The following UGT1A6 variants were observed in gnomAD, a reference collection of about 807,000 sequenced individuals.
The protein encoded by UGT1A6 is UDP glucuronosyltransferase family 1 member A6.
In UGT1A6, 32 loss-of-function variants were observed where a neutral mutation model predicts 44.4. The observed-to-expected ratio is 0.72, with a 90% CI of 0.54 to 0.97. The LOEUF (loss-of-function observed/expected upper bound fraction) is 0.97, where lower values mean the gene tolerates loss of function less well. Among genes scored for constraint, UGT1A6 ranks in the 50% least tolerant of loss-of-function variants. The pLI is 0.00. For missense variants in UGT1A6, 685 were observed against 661.9 expected, an observed-to-expected ratio of 1.03 and a Z score of -0.38; for synonymous variants, 238 against 248.5, an observed-to-expected ratio of 0.96 and a Z score of 0.40.
chr2:233,719,869 A>G (rs1253818666), intron 1 of UGT1A6, among the ~76,000 whole-genome samples: 1 of 152,178 alleles, frequency 6.6e-6, no homozygotes, highest in Non-Finnish European at 1.5e-5. Flanking sequence ...ACTGAGAGGA[A>G]GAAGAGGCAC....
intron 1 of UGT1A6, chr2:233,760,742 C>T: frequency 3.1e-6 from 5 of 1,614,166 alleles, no homozygotes; most frequent in Non-Finnish European, 4.2e-6. Context: ...CTGACGGACC[C>T]TTTCCTTCCT....
intron 1 of UGT1A6, chr2:233,755,045 G>C (rs745537470): frequency 7.5e-7 from 1 of 1,325,478 alleles, no homozygotes; most frequent in Non-Finnish European, 1.0e-6. Context: ...CTGCGCAGCC[G>C]CCCTCCGCCC....
intron 1 of UGT1A6, chr2:233,718,944 C>T (rs553189135): frequency 6.2e-7 from 1 of 1,614,060 alleles, no homozygotes; most frequent in African/African-American, 1.3e-5. Flanking sequence ...CAGCCCCTGG[C>T]TCAGCATGCG....
At chr2:233,716,874 C>T (rs146573773) in intron 1 of UGT1A6, among the ~76,000 whole-genome samples, 54 of 152,252 alleles carry the variant, frequency 3.5e-4, no homozygotes, top group Admixed American at 8.5e-4. Context: ...CCAAGTCTAT[C>T]TGTGCAGCCC....
At chr2:233,713,549 GT>G (rs1302335966) in intron 1 of UGT1A6, 3 of 1,613,868 alleles carry the variant, frequency 1.9e-6, no homozygotes, top group Non-Finnish European at 2.5e-6. Context: ...AGGGCACACA[GT>G]GTCCAAACCC....
At chr2:233,695,403 C>T (rs567357181) in intron 1 of UGT1A6, among the ~76,000 whole-genome samples, 6 of 150,700 alleles carry the variant, frequency 4.0e-5, no homozygotes, top group Admixed American at 6.6e-5. Flanking sequence ...GGATTACAGG[C>T]GTGAGCTACC....
intron 1 of UGT1A6, chr2:233,741,975 C>T (rs1043950383): frequency 3.3e-5 from 5 of 151,844 alleles, no homozygotes; most frequent in African/African-American, 4.9e-5. Flanking sequence ...TTTATGGTGC[C>T]TCACCCAAAA....
At chr2:233,713,270 G>T (rs199541495) in intron 1 of UGT1A6, 1 of 1,614,244 alleles carries the variant, frequency 6.2e-7, no homozygotes, top group East Asian at 2.2e-5. Context: ...ATCGCCTTTT[G>T]CTGGGTCACA....
At chr2:233,768,085 C>T (rs1699559246) in intron 3 of UGT1A6, 135 bp from the exon 4 acceptor site, 1 of 1,591,380 alleles carries the variant, frequency 6.3e-7, no homozygotes, top group East Asian at 2.2e-5. Context: ...TATCTCAACC[C>T]ACATTTTCTT....
chr2:233,756,339 T>G (rs1013422836), intron 1 of UGT1A6: 3 of 152,244 alleles, frequency 2.0e-5, no homozygotes, highest in Non-Finnish European at 4.4e-5. Context: ...TAGTCATCTC[T>G]TGATTACTTT....
intron 2 of UGT1A6, 120 bp from the exon 3 acceptor site, chr2:233,767,729 C>T: frequency 1.3e-6 from 2 of 1,560,058 alleles, no homozygotes; most frequent in Middle Eastern, 1.7e-4. Flanking sequence ...GTTACTGATC[C>T]TCCCACTCTG....
chr2:233,727,325 G>A (rs180717488), intron 1 of UGT1A6, among the ~76,000 whole-genome samples: 2 of 152,224 alleles, frequency 1.3e-5, no homozygotes, highest in Non-Finnish European at 1.5e-5. Flanking sequence ...CAGGCACCAG[G>A]AGCTCCTCCC....
intron 1 of UGT1A6, among the ~76,000 whole-genome samples, chr2:233,763,987 G>C (rs144684818): frequency 6.6e-6 from 1 of 152,188 alleles, no homozygotes; most frequent in Non-Finnish European, 1.5e-5. Flanking sequence ...CTGGGAATGC[G>C]TGATGGTGAA....
At chr2:233,772,210 A>T in intron 4 of UGT1A6, 52 bp from the exon 5 acceptor site, 1 of 1,610,530 alleles carries the variant, frequency 6.2e-7, no homozygotes, top group Non-Finnish European at 8.5e-7. Flanking sequence ...TAAAGAGAGG[A>T]TTGTTCATAC....
chr2:233,722,527 A>G (rs1427229559), intron 1 of UGT1A6, among the ~76,000 whole-genome samples: 1 of 152,148 alleles, frequency 6.6e-6, no homozygotes, highest in African/African-American at 2.4e-5. Context: ...TTTTTGCCTT[A>G]ATGATTTCAT....
intron 1 of UGT1A6, among the ~76,000 whole-genome samples, chr2:233,739,383 G>A (rs1385341432): frequency 6.6e-6 from 1 of 152,210 alleles, no homozygotes; most frequent in South Asian, 2.1e-4. Context: ...GTGCCTGGAA[G>A]AGCCACAGAC....
At chr2:233,724,223 C>T (rs2077191141) in intron 1 of UGT1A6, among the ~76,000 whole-genome samples, 1 of 128,414 alleles carries the variant, frequency 7.8e-6, no homozygotes, top group Admixed American at 7.3e-5. Flanking sequence ...CCTCACTTCC[C>T]AGTAGGGGCG....
intron 1 of UGT1A6, among the ~76,000 whole-genome samples, chr2:233,725,678 A>C (rs28899189): frequency 0.068 from 10,401 of 152,238 alleles, 505 homozygotes; most frequent in East Asian, 0.2. Flanking sequence ...GTCACATTTC[A>C]AGTGCTCAAT....
At chr2:233,760,319 T>C (rs201984525) in intron 1 of UGT1A6, 2 of 1,614,040 alleles carry the variant, frequency 1.2e-6, no homozygotes, top group Non-Finnish European at 1.7e-6. Context: ...GGACGCCCAC[T>C]TGTCCTGGGC....
Sources: gnomAD v4.1 joint callset for allele counts (sites outside exome capture counted in the v4.1 genomes callset) on GRCh38, gnomAD v4.1.1 for gene constraint, MANE v1.5 for transcripts, NCBI Gene and HGNC (gene_info 2026-07-23, HGNC 2026-07-21) for gene names.